Variants in TTLL9 observed in about 807,000 individuals in gnomAD.
TTLL9 encodes tubulin tyrosine ligase like 9.
Under a neutral mutation model 65.6 loss-of-function variants are expected in TTLL9, and 47 were observed. The ratio of observed to expected loss-of-function variants is 0.72; its 90% confidence interval spans 0.57 to 0.91. TTLL9 has a LOEUF of 0.91. Ranked by LOEUF, TTLL9 falls within the 40% of genes least tolerant of loss-of-function variation. The probability of loss-of-function intolerance (pLI) is 0.00; values close to 1 mark genes in which losing one functional copy is unlikely to be tolerated. For missense variants in TTLL9, 537 were observed against 568.8 expected, an observed-to-expected ratio of 0.94 and a Z score of 0.57; for synonymous variants, 179 against 204.8, an observed-to-expected ratio of 0.87 and a Z score of 1.07.
intron 2 of TTLL9, chr20:31,884,123 A>G (rs938532603): frequency 7.3e-5 from 35 of 480,818 alleles, no homozygotes; most frequent in Non-Finnish European, 1.3e-4. Context: ...AAAATCAGTT[A>G]TACTTCTATA....
Position 31,937,506 on chromosome 20 carries a change from C to T in TTLL9, c.1115C>T (p.Ala372Val), listed in dbSNP as rs371431303. The change falls in exon 13 of 15, where the codon GCG becomes GTG. Residue 372 changes from alanine to valine, a missense_variant. This residue lies in a region of TTLL9 where 205 missense variants were observed against 225.9 expected (regional missense o/e 0.91). Coordinates refer to ENST00000535842, the MANE Select transcript of TTLL9 (RefSeq NM_001008409.5). ...EDTLHVVDMEARLTGREKRVG... is the reference protein window; with the variant it reads ...EDTLHVVDMEVRLTGREKRVG... Reference sequence around the variant, plus strand: ...ACCCTGCATGTTGTGGACATGGAAGCGAGGTGAGGGAGGGCAGCCTTGATC... The same window carrying T: ...ACCCTGCATGTTGTGGACATGGAAGTGAGGTGAGGGAGGGCAGCCTTGATC... 198 of 1,612,156 alleles carry T rather than the reference C, an allele frequency of 1.2e-4. 1 individual carries two copies. The highest frequency in any genetic ancestry group is 1.4e-4 in the Non-Finnish European group (165 of 1,178,724).
rs74712240 is a variant in TTLL9 at position 31,873,220 on chromosome 20, A to G, written c.69+2025A>G. ...CAGGCTTCCTGCCTTGAAAGTCACT[A>G]TCTGTGTCACAGAAATGAAAGCAGG... On this transcript the variant is annotated intron_variant, in intron 2 of 14. Coordinates refer to ENST00000535842, the MANE Select transcript of TTLL9 (RefSeq NM_001008409.5). Among the ~76,000 whole-genome samples, 43 of 152,282 alleles carry G rather than the reference A, an allele frequency of 2.8e-4. No homozygotes were observed. The East Asian group carries it at 8.3e-3, about 29-fold the overall frequency.
chr20:31,932,471 C>CAAAAAAAAAAAAAAAAAAAAA (rs58783829), intron 10 of TTLL9, among the ~76,000 whole-genome samples: 20 of 86,422 alleles, frequency 2.3e-4, no homozygotes, highest in South Asian at 7.1e-4. Context: ...GACCCTGTCT[C>CAAAAAAAAAAAAAAAAAAAAA]AAAAAAAAAA....
chr20:31,904,336 A>G (rs935979317), intron 4 of TTLL9, among the ~76,000 whole-genome samples: 18 of 138,190 alleles, frequency 1.3e-4, no homozygotes, highest in African/African-American at 4.8e-4. Context: ...TGGTTCTAGC[A>G]TTTTTTGATA....
intron 4 of TTLL9, among the ~76,000 whole-genome samples, chr20:31,900,060 G>A (rs188461794): frequency 4.6e-5 from 7 of 152,226 alleles, no homozygotes; most frequent in South Asian, 2.1e-4. Context: ...GTGCCTGGCC[G>A]AATCTGGAAA....
chr20:31,933,730 C>T, intron 10 of TTLL9, 70 bp from the exon 11 acceptor site: 3 of 1,489,222 alleles, frequency 2.0e-6, no homozygotes, highest in Non-Finnish European at 2.8e-6. Context: ...TCAGTTCAGT[C>T]CTGGGGACTT....
chr20:31,931,270 GGTCTCACTAT>G lies in TTLL9; in HGVS notation c.749-2527_749-2518del, dbSNP rs757043545. Among the ~76,000 whole-genome samples, 6 of 151,726 alleles carry G rather than the reference GGTCTCACTAT, an allele frequency of 4.0e-5. No homozygotes were observed. In the South Asian group the frequency reaches 1.0e-3, roughly 26 times the overall value. Reference sequence around the variant, plus strand: ...AATTTTTAAATTTTTTATAGAGACTGGTCTCACTATGTTGCCCAGGCTGGTCTCAAACTCC... The same window carrying G: ...AATTTTTAAATTTTTTATAGAGACTGGTTGCCCAGGCTGGTCTCAAACTCC... On this transcript the variant is annotated intron_variant, in intron 10 of 14. Coordinates refer to ENST00000535842, the MANE Select transcript of TTLL9 (RefSeq NM_001008409.5).
intron 2 of TTLL9, chr20:31,873,031 C>T (rs1424419536): frequency 1.9e-6 from 1 of 518,100 alleles, no homozygotes; most frequent in African/African-American, 1.9e-5. Flanking sequence ...GGGGCCACTG[C>T]AGCAGCTCAG....
chr20:31,879,034 A>G (rs904389843), intron 2 of TTLL9, among the ~76,000 whole-genome samples: 1 of 152,214 alleles, frequency 6.6e-6, no homozygotes, highest in African/African-American at 2.4e-5. Context: ...TAAAACTTCA[A>G]TGAGCTGGCC....
chr20:31,883,612 A>G (rs2063148852), intron 2 of TTLL9, among the ~76,000 whole-genome samples: 1 of 152,226 alleles, frequency 6.6e-6, no homozygotes, highest in East Asian at 1.9e-4. Context: ...AACATCTCTG[A>G]GTCAAACATC....
chr20:31,882,163 A>G (rs1231292092), intron 2 of TTLL9, among the ~76,000 whole-genome samples: 1 of 152,166 alleles, frequency 6.6e-6, no homozygotes, highest in East Asian at 1.9e-4. Context: ...AGGTCAGAAT[A>G]CCGCGTGTTC....
In TTLL9 at chr20:31,943,140, C is replaced by A; in HGVS notation, c.*119C>A. The A allele has an allele frequency of 2.1e-6, 2 of 940,044 alleles. No individual in the cohort carries two copies. Among genetic ancestry groups the A allele is most frequent in the African/African-American group, 1.6e-5 (1 of 61,930 alleles). 58.2% of individuals were successfully genotyped at this position (940,044 alleles called of 1,614,324 possible). On this transcript the variant is annotated 3_prime_UTR_variant, in exon 15 of 15. Coordinates refer to ENST00000535842, the MANE Select transcript of TTLL9 (RefSeq NM_001008409.5). ...CTCCCCACCTCCAGCCTGGCACCAG[C>A]TTTGCTGGCTTAGCAGCTGCAGCTT... is the stretch of plus-strand genomic sequence containing the variant.
chr20:31,874,407 A>ATT (rs1300567365), intron 2 of TTLL9, among the ~76,000 whole-genome samples: 2 of 135,684 alleles, frequency 1.5e-5, no homozygotes, highest in Non-Finnish European at 1.5e-5. Context: ...TAATTAGCTG[A>ATT]TCTTTTTTTT....
chr20:31,913,489 T>A (rs997636147), intron 6 of TTLL9, among the ~76,000 whole-genome samples: 1 of 152,240 alleles, frequency 6.6e-6, no homozygotes, highest in African/African-American at 2.4e-5. Flanking sequence ...TGTGACATGG[T>A]TGATCTTTGC....
At chr20:31,932,323 C>T (rs1384096230) in intron 10 of TTLL9, among the ~76,000 whole-genome samples, 5 of 151,612 alleles carry the variant, frequency 3.3e-5, no homozygotes, top group Non-Finnish European at 2.9e-5. Context: ...AATACAAAAA[C>T]TAGCCGGGCA....
intron 2 of TTLL9, among the ~76,000 whole-genome samples, chr20:31,873,645 G>C (rs937347172): frequency 1.5e-5 from 2 of 132,126 alleles, no homozygotes; most frequent in African/African-American, 5.8e-5. Flanking sequence ...GTGAGACCCT[G>C]TCAAAAAAAA....
intron 2 of TTLL9, among the ~76,000 whole-genome samples, chr20:31,879,314 C>T (rs1387268366): frequency 1.3e-5 from 2 of 152,142 alleles, no homozygotes; most frequent in Non-Finnish European, 2.9e-5. Context: ...CAGCGAGACT[C>T]CGTCTCAAAC....
intron 11 of TTLL9, chr20:31,934,400 G>A (rs1408069447): frequency 3.4e-6 from 2 of 584,426 alleles, no homozygotes; most frequent in South Asian, 1.5e-5. Context: ...GCCTTGGGAT[G>A]CACACATGGT....
Position 31,926,087 on chromosome 20 carries a change from A to G in TTLL9, c.744A>G (p.Arg248=), listed in dbSNP as rs1356631700. 1 of 1,601,608 alleles carries G rather than the reference A, an allele frequency of 6.2e-7. No individual in the cohort carries two copies. Among genetic ancestry groups the G allele is most frequent in the Middle Eastern group, 1.7e-4 (1 of 6,046 alleles). Residue 248 remains arginine (R), a synonymous_variant, in exon 10 of 15, where the codon AGA becomes AGG. Transcript: ENST00000535842. ...GCCTGCTGTGGTCTGGGCACAGGAG[A>G]CAGGGTATGAGATAGGTCTGGTCCC... The part of the protein sequence containing the change: ...AECLLWSGHR[R]QDVHLTNVAV...
Sources: gnomAD v4.1 joint callset for allele counts (sites outside exome capture counted in the v4.1 genomes callset) on GRCh38, gnomAD v4.1.1 for gene constraint, gnomAD v4.1.1 regional missense constraint, MANE v1.5 for transcripts, NCBI Gene and HGNC (gene_info 2026-07-23, HGNC 2026-07-21) for gene names.